The following SGCE variants were observed in gnomAD, a reference collection of about 807,000 sequenced individuals.
SGCE encodes the protein epsilon-sarcoglycan.
Under a neutral mutation model 57.8 loss-of-function variants are expected in SGCE, and 26 were observed. The ratio of observed to expected loss-of-function variants is 0.45; its 90% CI spans 0.33 to 0.62. The LOEUF (loss-of-function observed/expected upper bound fraction) is 0.62. SGCE is among the 20% of genes least tolerant of loss of function. The pLI is 0.02. For synonymous variants in SGCE, 183 were observed against 189.5 expected (o/e 0.97, Z 0.28); for missense variants, 468 against 548.6 (o/e 0.85, Z 1.47).
chr7:94,596,588 G>C (rs1346574787), intron 9 of SGCE, among the ~76,000 whole-genome samples: 2 of 152,012 alleles, frequency 1.3e-5, no homozygotes, highest in Non-Finnish European at 2.9e-5. Flanking sequence ...GACTGTTGTA[G>C]CTTAAAAAAC....
chr7:94,640,708 C>T (rs187312227), intron 1 of SGCE, among the ~76,000 whole-genome samples: 87 of 152,164 alleles, frequency 5.7e-4, no homozygotes, highest in African/African-American at 1.6e-3. Flanking sequence ...TGTGCAGTGG[C>T]GTGATCTCGG....
At chr7:94,607,180 A>G (rs1283809568) in intron 5 of SGCE, among the ~76,000 whole-genome samples, 1 of 152,202 alleles carries the variant, frequency 6.6e-6, no homozygotes, top group African/African-American at 2.4e-5. Context: ...AGCAGAAAGC[A>G]TCAGGTCCAG....
chr7:94,607,214 T>C (rs1165803655), intron 5 of SGCE, among the ~76,000 whole-genome samples: 1 of 152,162 alleles, frequency 6.6e-6, no homozygotes, highest in East Asian at 1.9e-4. Context: ...TGAATTCTAC[T>C]AGACATTTAA....
intron 1 of SGCE, among the ~76,000 whole-genome samples, chr7:94,647,598 AG>A (rs1485761243): frequency 1.3e-5 from 2 of 152,226 alleles, no homozygotes; most frequent in Non-Finnish European, 2.9e-5. Flanking sequence ...AAATCCTTTA[AG>A]GTTGTCTACC....
intron 1 of SGCE, among the ~76,000 whole-genome samples, chr7:94,651,124 A>T (rs1522546): frequency 1 from 152,107 of 152,308 alleles, 75,953 homozygotes; most frequent in East Asian, 1. Context: ...CTGGTTCATA[A>T]TAACCTTCAT....
At chr7:94,607,123 G>A (rs1229485567) in intron 5 of SGCE, among the ~76,000 whole-genome samples, 1 of 151,984 alleles carries the variant, frequency 6.6e-6, no homozygotes, top group African/African-American at 2.4e-5. Flanking sequence ...ATCTGCACAG[G>A]CCTATATGTA....
chr7:94,601,339 C>T (rs527383194), intron 6 of SGCE, among the ~76,000 whole-genome samples: 5 of 148,882 alleles, frequency 3.4e-5, no homozygotes, highest in South Asian at 2.1e-4. Context: ...CCAAACGTGT[C>T]GTCCTTGATC....
chr7:94,603,528 G>A, intron 5 of SGCE, 76 bp from the exon 6 acceptor site: 1 of 1,402,128 alleles, frequency 7.1e-7, no homozygotes, highest in Non-Finnish European at 1.0e-6. Flanking sequence ...CTTAAAAGCA[G>A]GATTTAGCCT....
intron 4 of SGCE, chr7:94,620,058 T>A (rs1180811334): frequency 6.6e-6 from 1 of 152,180 alleles, no homozygotes; most frequent in Non-Finnish European, 1.5e-5. Context: ...AAGTCCCCAG[T>A]AGTAATTACA....
chr7:94,641,512 A>G (rs1806377091), intron 1 of SGCE, among the ~76,000 whole-genome samples: 1 of 152,168 alleles, frequency 6.6e-6, no homozygotes, highest in Non-Finnish European at 1.5e-5. Context: ...AGCATAACTG[A>G]TAAGATACAA....
At chr7:94,586,673 T>G in intron 10 of SGCE, 4 of 192,018 alleles carry the variant, frequency 2.1e-5, no homozygotes, top group Non-Finnish European at 3.8e-5. Context: ...CTAATTTTTG[T>G]ATTTTTTTAG....
At chr7:94,593,301 AT>A (rs1214054169) in intron 9 of SGCE, among the ~76,000 whole-genome samples, 4 of 151,966 alleles carry the variant, frequency 2.6e-5, no homozygotes, top group African/African-American at 4.8e-5. Context: ...AATAAGGAAA[AT>A]TTTTGTGTAG....
intron 5 of SGCE, among the ~76,000 whole-genome samples, chr7:94,615,047 G>A (rs1801663990): frequency 6.6e-6 from 1 of 152,052 alleles, no homozygotes; most frequent in Non-Finnish European, 1.5e-5. Context: ...AAAATTATAG[G>A]AGGGACATCA....
intron 5 of SGCE, among the ~76,000 whole-genome samples, chr7:94,605,549 T>C (rs556991734): frequency 6.6e-6 from 1 of 152,240 alleles, no homozygotes; most frequent in South Asian, 2.1e-4. Flanking sequence ...AAGACAGGGA[T>C]TATTTTATCA....
chr7:94,630,345 T>C (rs375225015), intron 1 of SGCE, among the ~76,000 whole-genome samples: 39 of 151,870 alleles, frequency 2.6e-4, no homozygotes, highest in Admixed American at 4.6e-4. Context: ...TCAATACATG[T>C]AATGCGGTTT....
At chr7:94,601,289 T>G (rs1799175281) in intron 6 of SGCE, among the ~76,000 whole-genome samples, 1 of 151,534 alleles carries the variant, frequency 6.6e-6, no homozygotes, top group African/African-American at 2.4e-5. Context: ...GTTTCTAAGT[T>G]TAGCAAAAGA....
intron 9 of SGCE, chr7:94,598,270 A>G (rs955059299): frequency 5.6e-6 from 1 of 178,254 alleles, no homozygotes; most frequent in African/African-American, 2.4e-5. Context: ...TTGCACTAAT[A>G]AAATAGGTGT....
At chr7:94,649,286 G>A (rs1021024719) in intron 1 of SGCE, among the ~76,000 whole-genome samples, 12 of 152,142 alleles carry the variant, frequency 7.9e-5, no homozygotes, top group African/African-American at 2.9e-4. Flanking sequence ...AAGAGTGACC[G>A]AAGAAGAAAA....
rs763900774 is a variant in SGCE at position 94,618,736 on chromosome 7, A to G, written c.662+22T>C. On this transcript the variant is annotated intron_variant, in intron 5 of 10. Transcript: ENST00000648936. ...GTATTTAAAAATCTATATTTAAGGC[A>G]ATGAGATAAAGATCTGCTTACCCCT... is the stretch of plus-strand genomic sequence containing the variant. The G allele has an allele frequency of 2.5e-6, 4 of 1,588,460 alleles. No individual in the cohort carries two copies. The African/African-American group carries it at 5.4e-5, about 21-fold the overall frequency.
Sources: gnomAD v4.1 joint callset for allele counts (sites outside exome capture counted in the v4.1 genomes callset) on GRCh38, gnomAD v4.1.1 for gene constraint, MANE v1.5 for transcripts, NCBI Gene and HGNC (gene_info 2026-07-23, HGNC 2026-07-21) for gene names.